The following PDSS2 variants were observed in gnomAD, a reference collection of about 807,000 sequenced individuals.
The protein encoded by PDSS2 is all trans-polyprenyl-diphosphate synthase PDSS2.
In PDSS2, 31 loss-of-function variants were observed where a neutral mutation model predicts 44.5. The observed-to-expected ratio is 0.70, with a 90% CI of 0.52 to 0.94. The LOEUF (loss-of-function observed/expected upper bound fraction) is 0.94, where lower values mean the gene tolerates loss of function less well. Among genes scored for constraint, PDSS2 ranks in the 40% least tolerant of loss-of-function variants. The pLI, the probability that PDSS2 is intolerant of heterozygous loss-of-function variation, is 0.00. For missense variants in PDSS2, 452 were observed against 482.2 expected (o/e 0.94, Z 0.59); for synonymous variants, 157 against 180.3 (o/e 0.87, Z 1.03).
intron 7 of PDSS2, among the ~76,000 whole-genome samples, chr6:107,178,103 C>T (rs1159713980): frequency 6.6e-6 from 1 of 152,170 alleles, no homozygotes; most frequent in Non-Finnish European, 1.5e-5. Flanking sequence ...CTACCACTAT[C>T]ATCATCCATG....
At chr6:107,167,547 C>T (rs1554247761) in intron 7 of PDSS2, among the ~76,000 whole-genome samples, 1 of 152,162 alleles carries the variant, frequency 6.6e-6, no homozygotes, top group Admixed American at 6.6e-5. Flanking sequence ...TCTTGCTTCT[C>T]TAGTTCTTTT....
chr6:107,410,124 T>G, intron 1 of PDSS2, among the ~76,000 whole-genome samples: 1 of 152,068 alleles, frequency 6.6e-6, no homozygotes, highest in Admixed American at 6.6e-5. Context: ...GCTTTGCCAT[T>G]TACATTAGAA....
chr6:107,180,260 G>C (rs1771925675), intron 7 of PDSS2, among the ~76,000 whole-genome samples: 1 of 152,102 alleles, frequency 6.6e-6, no homozygotes, highest in Non-Finnish European at 1.5e-5. Context: ...AGCAATAATT[G>C]AATCCAGCTA....
chr6:107,364,939 C>T (rs539317216), intron 1 of PDSS2, among the ~76,000 whole-genome samples: 84 of 152,258 alleles, frequency 5.5e-4, no homozygotes, highest in Non-Finnish European at 1.1e-3. Context: ...CACTTAAAGT[C>T]CTGGGGGAGG....
chr6:107,403,693 A>C (rs1780216117), intron 1 of PDSS2, among the ~76,000 whole-genome samples: 1 of 152,200 alleles, frequency 6.6e-6, no homozygotes, highest in Non-Finnish European at 1.5e-5. Context: ...CACCCTCTGA[A>C]GCCACAGCCT....
intron 1 of PDSS2, among the ~76,000 whole-genome samples, chr6:107,429,901 A>AAAAAAAAAAAAAAAT (rs1166637352): frequency 3.1e-5 from 1 of 31,834 alleles, no homozygotes; most frequent in African/African-American, 1.3e-4. Flanking sequence ...AAAAAAAAAA[A>AAAAAAAAAAAAAAAT]ATATATATAT....
chr6:107,345,110 C>T (rs972651484), intron 1 of PDSS2, among the ~76,000 whole-genome samples: 12 of 151,908 alleles, frequency 7.9e-5, no homozygotes, highest in Middle Eastern at 3.4e-3. Context: ...CACACCACCA[C>T]TCAAGCAATG....
At chr6:107,383,288 G>T in intron 1 of PDSS2, among the ~76,000 whole-genome samples, 1 of 94,740 alleles carries the variant, frequency 1.1e-5, no homozygotes, top group Non-Finnish European at 1.8e-5. Flanking sequence ...GACAGAGTGA[G>T]ACTCCATCTC....
intron 2 of PDSS2, among the ~76,000 whole-genome samples, chr6:107,330,365 G>A (rs1168645233): frequency 2.0e-5 from 3 of 152,264 alleles, no homozygotes; most frequent in South Asian, 2.1e-4. Context: ...AAGAAAGTGC[G>A]TTTGGCATAC....
intron 1 of PDSS2, among the ~76,000 whole-genome samples, chr6:107,444,767 T>C (rs1379457188): frequency 9.9e-5 from 15 of 152,168 alleles, no homozygotes; most frequent in Admixed American, 9.8e-4. Flanking sequence ...TGAGGTTTTT[T>C]AGGTAGCCAA....
At position 107,424,036 on chromosome 6, in the gene PDSS2, C is replaced by CATTTTTTTTTT. The variant is rs1554279679; in HGVS notation, c.296+34953_296+34954insAAAAAAAAAAT. Among the ~76,000 whole-genome samples, 5 of 90,598 alleles carry CATTTTTTTTTT rather than the reference C, an allele frequency of 5.5e-5. 1 individual carries two copies. Among genetic ancestry groups the CATTTTTTTTTT allele is most frequent in the African/African-American group, 4.5e-5 (1 of 21,994 alleles). 59.4% of individuals were successfully genotyped at this position (90,598 alleles called of 152,430 possible). A position where few individuals can be genotyped will look rare whatever the true frequency, so the allele number is the denominator to read the frequency against. On this transcript the variant is annotated intron_variant, in intron 1 of 7. Transcript: ENST00000369037. ...AATTATGATTATTTTTATCTTGCAT[C>CATTTTTTTTTT]TTTTTTTTTTTTTTTTTTTTTTTGG... is the stretch of plus-strand genomic sequence containing the variant.
intron 1 of PDSS2, among the ~76,000 whole-genome samples, chr6:107,373,267 G>A (rs1264196162): frequency 3.3e-5 from 5 of 152,124 alleles, no homozygotes; most frequent in Non-Finnish European, 7.4e-5. Context: ...TTACAAGCGT[G>A]AGCCACTGCA....
chr6:107,427,603 C>G (rs1397287334), intron 1 of PDSS2, among the ~76,000 whole-genome samples: 4 of 152,130 alleles, frequency 2.6e-5, no homozygotes, highest in Non-Finnish European at 5.9e-5. Flanking sequence ...CTAAATAATT[C>G]CAGATATTTT....
chr6:107,403,741 G>A (rs533477304), intron 1 of PDSS2, among the ~76,000 whole-genome samples: 3 of 152,298 alleles, frequency 2.0e-5, no homozygotes, highest in African/African-American at 7.2e-5. Flanking sequence ...TGGCTGGAGC[G>A]GCTGGGATGC....
chr6:107,355,988 C>T (rs2115354105), intron 1 of PDSS2, among the ~76,000 whole-genome samples: 1 of 152,312 alleles, frequency 6.6e-6, no homozygotes, highest in Admixed American at 6.5e-5. Context: ...CTACAGGACA[C>T]ACAATTCAGT....
intron 7 of PDSS2, among the ~76,000 whole-genome samples, chr6:107,155,422 C>T (rs1030347492): frequency 3.3e-5 from 5 of 151,874 alleles, no homozygotes; most frequent in South Asian, 2.1e-4. Context: ...GCTGGGATTA[C>T]AGGTGTGAGC....
chr6:107,411,882 T>C (rs12527849), intron 1 of PDSS2, among the ~76,000 whole-genome samples: 47 of 42,446 alleles, frequency 1.1e-3, no homozygotes, highest in African/African-American at 3.4e-3. Context: ...TCTTCTTCTT[T>C]TTTTTTTTTT....
chr6:107,254,282 T>C (rs1774930720), intron 3 of PDSS2, among the ~76,000 whole-genome samples: 2 of 151,984 alleles, frequency 1.3e-5, no homozygotes, highest in Non-Finnish European at 2.9e-5. Flanking sequence ...TCTGCCCACC[T>C]TGGCTTCCCA....
At chr6:107,376,629 A>T (rs1461358185) in intron 1 of PDSS2, among the ~76,000 whole-genome samples, 4 of 152,176 alleles carry the variant, frequency 2.6e-5, no homozygotes, top group Admixed American at 2.0e-4. Flanking sequence ...ACTTTGCTGA[A>T]GTTGCTTATC....
Sources: gnomAD v4.1 joint callset for allele counts (sites outside exome capture counted in the v4.1 genomes callset) on GRCh38, gnomAD v4.1.1 for gene constraint, MANE v1.5 for transcripts, NCBI Gene and HGNC (gene_info 2026-07-23, HGNC 2026-07-21) for gene names.